Variants in SMAD3 observed in about 807,000 individuals in gnomAD.
SMAD3 encodes SMAD family member 3.
A neutral mutation model predicts 51.8 loss-of-function variants in SMAD3; 12 were observed. The ratio of observed to expected loss-of-function variants is 0.23; its 90% CI spans 0.15 to 0.38. The LOEUF is 0.38. Among genes scored for constraint, SMAD3 ranks in the 10% least tolerant of loss-of-function variants. SMAD3 has a pLI of 1.00. For synonymous variants in SMAD3, 238 were observed against 227.7 expected, an observed-to-expected ratio of 1.05 and a Z score of -0.41; for missense variants, 294 against 565.6, an observed-to-expected ratio of 0.52 and a Z score of 4.87.
intron 1 of SMAD3, among the ~76,000 whole-genome samples, chr15:67,075,662 C>G (rs1960151756): frequency 6.6e-6 from 1 of 152,158 alleles, no homozygotes; most frequent in Non-Finnish European, 1.5e-5. Flanking sequence ...TGCCTATAAT[C>G]CCAGCACTTT....
At chr15:67,101,362 TATA>T (rs1175748334) in intron 1 of SMAD3, among the ~76,000 whole-genome samples, 2 of 152,230 alleles carry the variant, frequency 1.3e-5, no homozygotes, top group Non-Finnish European at 1.5e-5. Context: ...AACTGTAGCT[TATA>T]GTAATATTTA....
intron 5 of SMAD3, among the ~76,000 whole-genome samples, chr15:67,173,348 A>G (rs1962803951): frequency 6.6e-6 from 1 of 152,160 alleles, no homozygotes; most frequent in African/African-American, 2.4e-5. Context: ...GAGGAATAGT[A>G]TATGCCAAGG....
chr15:67,101,049 A>G (rs1826920308), intron 1 of SMAD3, among the ~76,000 whole-genome samples: 1 of 152,182 alleles, frequency 6.6e-6, no homozygotes, highest in South Asian at 2.1e-4. Flanking sequence ...GGTGAGGCTC[A>G]GGAGGCTCTG....
chr15:67,167,258 G>T (rs970180551), intron 4 of SMAD3, among the ~76,000 whole-genome samples: 16 of 152,186 alleles, frequency 1.1e-4, no homozygotes, highest in Non-Finnish European at 2.1e-4. Context: ...GAGTCATGGG[G>T]GTTGGGCAGG....
intron 1 of SMAD3, among the ~76,000 whole-genome samples, chr15:67,134,628 T>G (rs1447365741): frequency 6.6e-6 from 1 of 152,196 alleles, no homozygotes; most frequent in Non-Finnish European, 1.5e-5. Context: ...TCCCAGCCCC[T>G]TGGGCTTTCT....
At chr15:67,181,100 A>T in intron 5 of SMAD3, 141 bp from the exon 6 acceptor site, 1 of 711,144 alleles carries the variant, frequency 1.4e-6, no homozygotes, top group Non-Finnish European at 2.5e-6. Flanking sequence ...CCAGTTTTAT[A>T]CGATAAAAGG....
At chr15:67,176,004 C>T (rs376789097) in intron 5 of SMAD3, among the ~76,000 whole-genome samples, 6 of 152,294 alleles carry the variant, frequency 3.9e-5, no homozygotes, top group Admixed American at 6.5e-5. Context: ...CCTGAGGGCC[C>T]GGTTTTTAGA....
chr15:67,068,293 G>T (rs1428382869), intron 1 of SMAD3, among the ~76,000 whole-genome samples: 3 of 152,252 alleles, frequency 2.0e-5, no homozygotes, highest in Non-Finnish European at 4.4e-5. Flanking sequence ...ATACTTTGAA[G>T]ATCCTGAATA....
intron 1 of SMAD3, among the ~76,000 whole-genome samples, chr15:67,114,002 G>C (rs571156529): frequency 6.6e-6 from 1 of 152,196 alleles, no homozygotes; most frequent in African/African-American, 2.4e-5. Context: ...CCAATTTGGC[G>C]GTGGAGAAGT....
At chr15:67,149,122 T>G (rs1050004647) in intron 1 of SMAD3, among the ~76,000 whole-genome samples, 3 of 152,210 alleles carry the variant, frequency 2.0e-5, no homozygotes, top group African/African-American at 7.2e-5. Context: ...AGTGGGTTAC[T>G]GTTTGAGCTG....
At chr15:67,067,120 G>T (rs928042492) in intron 1 of SMAD3, among the ~76,000 whole-genome samples, 9 of 126,296 alleles carry the variant, frequency 7.1e-5, no homozygotes, top group African/African-American at 2.7e-4. Flanking sequence ...TTTTGAAACC[G>T]TGCAGAACGA....
intron 1 of SMAD3, among the ~76,000 whole-genome samples, chr15:67,097,281 TATTGGCAC>T (rs1448626382): frequency 1.4e-4 from 21 of 152,154 alleles, no homozygotes; most frequent in Middle Eastern, 3.2e-3. Flanking sequence ...AGTGGTATGA[TATTGGCAC>T]ACTGCAGCCT....
chr15:67,131,316 CA>C (rs764296589), intron 1 of SMAD3, among the ~76,000 whole-genome samples: 12 of 152,186 alleles, frequency 7.9e-5, no homozygotes, highest in Non-Finnish European at 1.8e-4. Context: ...ACCTCAGAAC[CA>C]AGAGGCTTTG....
At chr15:67,136,056 C>G (rs1479490748) in intron 1 of SMAD3, among the ~76,000 whole-genome samples, 2 of 152,036 alleles carry the variant, frequency 1.3e-5, no homozygotes, top group Non-Finnish European at 2.9e-5. Context: ...CCAAATAACC[C>G]CACTGCAATG....
chr15:67,141,745 T>C (rs935462671), intron 1 of SMAD3, among the ~76,000 whole-genome samples: 1 of 152,170 alleles, frequency 6.6e-6, no homozygotes, highest in African/African-American at 2.4e-5. Context: ...GAAAGTCCGA[T>C]ACCTTGAGTC....
intron 1 of SMAD3, among the ~76,000 whole-genome samples, chr15:67,154,994 G>A (rs1962244025): frequency 6.6e-6 from 1 of 152,222 alleles, no homozygotes; most frequent in Admixed American, 6.5e-5. Context: ...TGCAAGGAAA[G>A]AGGCAATTGT....
chr15:67,071,868 T>G (rs913770617), intron 1 of SMAD3, among the ~76,000 whole-genome samples: 2 of 152,176 alleles, frequency 1.3e-5, no homozygotes, highest in African/African-American at 2.4e-5. Flanking sequence ...TGTTTTGAAA[T>G]TCAAAGCTTC....
chr15:67,170,645 C>T (rs1202924488), intron 5 of SMAD3, 41 bp downstream of exon 5: 1 of 1,583,044 alleles, frequency 6.3e-7, no homozygotes, highest in Non-Finnish European at 8.7e-7. Flanking sequence ...CCCCCTCTAG[C>T]TGCAGCCCTG....
rs80215692 is a variant in SMAD3 at position 67,090,290 on chromosome 15, C to T, written c.206+23930C>T. On this transcript the variant is annotated intron_variant, in intron 1 of 8. Coordinates refer to ENST00000327367, the MANE Select transcript of SMAD3 (RefSeq NM_005902.4). ...CTCGAGTCCGATTTTGCCAAAAATC[C>T]CAACTTTCCTGCTGAGTAGCTCATG... Among the ~76,000 whole-genome samples, 442 of 152,188 alleles carry T rather than the reference C, an allele frequency of 2.9e-3. 2 individuals are homozygous for T. The highest frequency in any genetic ancestry group is 0.01 in the African/African-American group (420 of 41,520).
Sources: allele counts gnomAD v4.1 joint callset (sites outside exome capture counted in the v4.1 genomes callset), GRCh38; gene constraint gnomAD v4.1.1; transcripts MANE v1.5; gene names NCBI Gene and HGNC (gene_info 2026-07-23, HGNC 2026-07-21).